Variants in CACNA1C observed in about 807,000 individuals in gnomAD.
The protein encoded by CACNA1C is calcium voltage-gated channel subunit alpha1 C.
Under a neutral mutation model 229.0 loss-of-function variants are expected in CACNA1C, and 30 were observed. That is an observed-to-expected ratio of 0.13 (90% CI 0.10 to 0.18). The LOEUF (loss-of-function observed/expected upper bound fraction) is 0.18. Ranked by LOEUF, CACNA1C falls within the 10% of genes least tolerant of loss-of-function variation. The pLI is 1.00. For synonymous variants in CACNA1C, 1,114 were observed against 1,132.5 expected, an observed-to-expected ratio of 0.98 and a Z score of 0.33; for missense variants, 1,658 against 2,845.0, an observed-to-expected ratio of 0.58 and a Z score of 9.49.
chr12:2,643,449 G>A (rs1038500350), intron 30 of CACNA1C, among the ~76,000 whole-genome samples: 1 of 152,182 alleles, frequency 6.6e-6, no homozygotes, highest in Admixed American at 6.5e-5. Context: ...TCATTCATTT[G>A]CTCTTCTGTC....
intron 5 of CACNA1C, among the ~76,000 whole-genome samples, chr12:2,474,581 C>G (rs1057153353): frequency 6.6e-6 from 1 of 151,912 alleles, no homozygotes; most frequent in East Asian, 1.9e-4. Context: ...ATGGCGAAAC[C>G]CCGTCTCTAC....
intron 9 of CACNA1C, among the ~76,000 whole-genome samples, chr12:2,517,814 G>A (rs2099800408): frequency 6.6e-6 from 1 of 152,212 alleles, no homozygotes; most frequent in Non-Finnish European, 1.5e-5. Context: ...AGACACTACA[G>A]GGAGAAGCCA....
chr12:2,636,046 G>C (rs2092606552), intron 30 of CACNA1C, among the ~76,000 whole-genome samples: 1 of 152,162 alleles, frequency 6.6e-6, no homozygotes, highest in Admixed American at 6.5e-5. Flanking sequence ...ACACATAAAG[G>C]CCAGAGCTTC....
In CACNA1C at chr12:2,273,939, G is replaced by A. The variant is rs183199234; in HGVS notation, c.477+153509G>A. Among the ~76,000 whole-genome samples the A allele has an allele frequency of 5.8e-4, 88 of 152,298 alleles. 1 individual carries two copies. Among genetic ancestry groups the A allele is most frequent in the African/African-American group, 2.1e-3 (86 of 41,572 alleles). ...AGCACCTGATGGGTGGCTGTTGACC[G>A]ACTGTCCATGCAAGGGGTGTGGGCT... is the stretch of plus-strand genomic sequence containing the variant. On this transcript the variant is annotated intron_variant, in intron 3 of 46. Transcript: ENST00000399655.
At chr12:2,064,309 G>T (rs1477420133) in intron 1 of CACNA1C, among the ~76,000 whole-genome samples, 2 of 152,244 alleles carry the variant, frequency 1.3e-5, no homozygotes, top group East Asian at 3.8e-4. Flanking sequence ...CTGCCTGTGT[G>T]TCTAGTCCAG....
chr12:2,345,391 C>T (rs905607498), intron 3 of CACNA1C, among the ~76,000 whole-genome samples: 1 of 152,010 alleles, frequency 6.6e-6, no homozygotes, highest in Non-Finnish European at 1.5e-5. Flanking sequence ...GGAAGATTCT[C>T]GGTGAGCATA....
chr12:2,082,620 C>T (rs2066070611), intron 1 of CACNA1C, among the ~76,000 whole-genome samples: 1 of 152,124 alleles, frequency 6.6e-6, no homozygotes, highest in South Asian at 2.1e-4. Context: ...GGCACCTTGA[C>T]CCTGCCACAC....
At chr12:2,572,657 TCTCTTCCTC>T (rs1313411403) in intron 13 of CACNA1C, among the ~76,000 whole-genome samples, 1 of 114,790 alleles carries the variant, frequency 8.7e-6, no homozygotes, top group African/African-American at 3.4e-5. Context: ...TTCCTCCTCC[TCTCTTCCTC>T]CTCTTCCTCC....
chr12:2,228,259 A>G (rs1206227083), intron 3 of CACNA1C, among the ~76,000 whole-genome samples: 1 of 152,326 alleles, frequency 6.6e-6, no homozygotes, highest in East Asian at 1.9e-4. Context: ...TATTGAGTGC[A>G]TACTGTGTAT....
At chr12:2,290,641 G>A (rs2093388802) in intron 3 of CACNA1C, among the ~76,000 whole-genome samples, 1 of 152,146 alleles carries the variant, frequency 6.6e-6, no homozygotes, top group Non-Finnish European at 1.5e-5. Flanking sequence ...AGTGAGCCGA[G>A]GAGCTTGTAC....
At chr12:2,327,994 C>T (rs2096395069) in intron 3 of CACNA1C, among the ~76,000 whole-genome samples, 1 of 152,196 alleles carries the variant, frequency 6.6e-6, no homozygotes, top group African/African-American at 2.4e-5. Flanking sequence ...CATTTAATTA[C>T]TCTGTAGGAG....
chr12:2,037,556 A>G (rs2049358926), intron 1 of CACNA1C, among the ~76,000 whole-genome samples: 2 of 152,210 alleles, frequency 1.3e-5, no homozygotes, highest in Admixed American at 1.3e-4. Context: ...CCCAACTCAG[A>G]TGCAAGTCTC....
intron 3 of CACNA1C, among the ~76,000 whole-genome samples, chr12:2,315,867 C>A (rs1164059111): frequency 6.6e-6 from 1 of 152,128 alleles, no homozygotes; most frequent in Non-Finnish European, 1.5e-5. Context: ...AGTAAGAGTG[C>A]CCTAAGAATA....
chr12:2,084,586 A>G (rs1295605243), intron 1 of CACNA1C, among the ~76,000 whole-genome samples: 1 of 152,054 alleles, frequency 6.6e-6, no homozygotes, highest in Non-Finnish European at 1.5e-5. Context: ...TCTACTTGCC[A>G]GTGTTCCTCT....
At chr12:2,124,668 G>A (rs2154156415) in intron 3 of CACNA1C, among the ~76,000 whole-genome samples, 1 of 152,320 alleles carries the variant, frequency 6.6e-6, no homozygotes, top group African/African-American at 2.4e-5. Context: ...TAAGGATAGA[G>A]AGGGGGCAGT....
intron 11 of CACNA1C, among the ~76,000 whole-genome samples, chr12:2,565,168 C>A (rs1350909286): frequency 6.6e-6 from 1 of 152,186 alleles, no homozygotes; most frequent in Non-Finnish European, 1.5e-5. Flanking sequence ...CCTGGGGAGC[C>A]TTAAAAATAC....
intron 10 of CACNA1C, among the ~76,000 whole-genome samples, chr12:2,556,322 G>GGA (rs2044248585): frequency 6.6e-6 from 1 of 152,118 alleles, no homozygotes; most frequent in South Asian, 2.1e-4. Flanking sequence ...CTTCCAGGCA[G>GGA]CCACCCTCAC....
At chr12:2,111,521 G>A (rs2081732282) in intron 1 of CACNA1C, among the ~76,000 whole-genome samples, 1 of 151,268 alleles carries the variant, frequency 6.6e-6, no homozygotes, top group African/African-American at 2.4e-5. Flanking sequence ...TAAGGGCAAT[G>A]CAGGGGGGTG....
intron 1 of CACNA1C, among the ~76,000 whole-genome samples, chr12:2,096,418 A>G (rs1338074195): frequency 2.0e-5 from 3 of 152,142 alleles, no homozygotes; most frequent in Admixed American, 6.5e-5. Context: ...CCTAAAGTCT[A>G]TCCTCCCATC....
Sources: gnomAD v4.1 joint callset for allele counts (sites outside exome capture counted in the v4.1 genomes callset) on GRCh38, gnomAD v4.1.1 for gene constraint, MANE v1.5 for transcripts, NCBI Gene and HGNC (gene_info 2026-07-23, HGNC 2026-07-21) for gene names.